Variants in TCF12 observed in about 807,000 individuals in gnomAD.
TCF12 encodes the protein transcription factor 12.
In TCF12, 45 loss-of-function variants were observed where a neutral mutation model predicts 86.0. That is an observed-to-expected ratio of 0.52 (90% confidence interval 0.41 to 0.67). TCF12 has a LOEUF of 0.67. Among genes scored for constraint, TCF12 ranks in the 30% least tolerant of loss-of-function variants. TCF12 has a pLI of 0.00. For missense variants in TCF12, 881 were observed against 859.9 expected, an observed-to-expected ratio of 1.02 and a Z score of -0.31; for synonymous variants, 330 against 299.6, an observed-to-expected ratio of 1.10 and a Z score of -1.05.
intron 5 of TCF12, among the ~76,000 whole-genome samples, chr15:57,094,670 G>A (rs1404260976): frequency 1.3e-5 from 2 of 152,186 alleles, no homozygotes; most frequent in Non-Finnish European, 2.9e-5. Context: ...ACCAATCATC[G>A]CAACAGGTAA....
intron 14 of TCF12, 51 bp from the exon 15 acceptor site, chr15:57,252,370 G>T (rs2152014877): frequency 7.1e-7 from 1 of 1,406,680 alleles, no homozygotes. Flanking sequence ...ATCTCTTTTG[G>T]AGTTAATCTT....
intron 4 of TCF12, among the ~76,000 whole-genome samples, chr15:57,089,186 C>T (rs1421139826): frequency 6.6e-6 from 1 of 152,196 alleles, no homozygotes; most frequent in Non-Finnish European, 1.5e-5. Flanking sequence ...GTCTCTTGGA[C>T]AGTGGCTTTT....
At chr15:57,202,329 C>G (rs147358826) in intron 8 of TCF12, among the ~76,000 whole-genome samples, 1 of 151,912 alleles carries the variant, frequency 6.6e-6, no homozygotes, top group South Asian at 2.1e-4. Context: ...TATGTTTTTA[C>G]TGATCAAATT....
At chr15:57,013,618 G>C (rs1290005094) in intron 3 of TCF12, among the ~76,000 whole-genome samples, 1 of 152,126 alleles carries the variant, frequency 6.6e-6, no homozygotes, top group Admixed American at 6.5e-5. Flanking sequence ...ACTGCCTCTG[G>C]CCCAGTTGAA....
At chr15:57,115,031 T>G (rs1375899550) in intron 5 of TCF12, among the ~76,000 whole-genome samples, 1 of 152,208 alleles carries the variant, frequency 6.6e-6, no homozygotes, top group Non-Finnish European at 1.5e-5. Flanking sequence ...CTCAAACAAT[T>G]AAATGTCTGA....
intron 3 of TCF12, among the ~76,000 whole-genome samples, chr15:56,998,196 C>T (rs2063812597): frequency 6.6e-6 from 1 of 152,156 alleles, no homozygotes; most frequent in Non-Finnish European, 1.5e-5. Context: ...GTAGCTCATG[C>T]CTGTAATCCC....
intron 3 of TCF12, among the ~76,000 whole-genome samples, chr15:56,950,745 GT>G (rs71113040): frequency 0.066 from 5,616 of 85,672 alleles, 1,846 homozygotes; most frequent in Admixed American, 0.16. Flanking sequence ...TTATGACCAT[GT>G]TTTTTTTTTT....
At chr15:57,259,865 G>A (rs2060510367) in intron 16 of TCF12, among the ~76,000 whole-genome samples, 1 of 152,152 alleles carries the variant, frequency 6.6e-6, no homozygotes, top group South Asian at 2.1e-4. Context: ...CGGATTAAAG[G>A]GAAGACATGG....
intron 3 of TCF12, among the ~76,000 whole-genome samples, chr15:57,032,223 C>T (rs1216072470): frequency 6.6e-6 from 1 of 152,084 alleles, no homozygotes; most frequent in Non-Finnish European, 1.5e-5. Flanking sequence ...AGAACTCCAC[C>T]AGGTTGTAGA....
intron 8 of TCF12, among the ~76,000 whole-genome samples, chr15:57,229,790 G>A (rs1424715361): frequency 6.6e-6 from 1 of 151,842 alleles, no homozygotes; most frequent in Non-Finnish European, 1.5e-5. Context: ...CTGCCCATCA[G>A]TCTCCTCATG....
chr15:57,232,771 C>T lies in TCF12; in HGVS notation c.885C>T (p.Ser295=). 6.2e-7 allele frequency: 1 copy of T among 1,612,600 alleles called. No individual in the cohort carries two copies. The highest frequency in any genetic ancestry group is 8.5e-7 in the Non-Finnish European group (1 of 1,179,292). The change falls in exon 11 of 21, where the codon TCC becomes TCT. Residue 295 remains serine (S), a synonymous_variant. Transcript: ENST00000333725. ...TAAACACGAGTCTTCCACCAATGTC[C>T]AGCTTTCATCGCGGCAGTACCAGCA... The part of the protein sequence containing the change: ...TDINTSLPPM[S]SFHRGSTSSS...
chr15:56,948,894 T>A (rs1032332242), intron 3 of TCF12, among the ~76,000 whole-genome samples: 4 of 152,208 alleles, frequency 2.6e-5, no homozygotes, highest in Non-Finnish European at 4.4e-5. Flanking sequence ...CCAGAGAAAT[T>A]ATAGCCTAGA....
At chr15:57,227,928 T>A (rs1417075006) in intron 8 of TCF12, among the ~76,000 whole-genome samples, 1 of 152,118 alleles carries the variant, frequency 6.6e-6, no homozygotes, top group Non-Finnish European at 1.5e-5. Context: ...AAAGCATATA[T>A]ATTCCTTTCT....
intron 3 of TCF12, among the ~76,000 whole-genome samples, chr15:56,998,625 A>G (rs1315221085): frequency 7.9e-5 from 12 of 152,176 alleles, no homozygotes; most frequent in African/African-American, 2.4e-4. Context: ...TTAGGAATAG[A>G]TAGAACTAGT....
chr15:57,103,095 G>C (rs1440678050), intron 5 of TCF12, among the ~76,000 whole-genome samples: 1 of 152,160 alleles, frequency 6.6e-6, no homozygotes, highest in African/African-American at 2.4e-5. Flanking sequence ...ATAATGAGAG[G>C]ATAGTGTGAG....
At chr15:57,197,073 A>G (rs1646949894) in intron 7 of TCF12, among the ~76,000 whole-genome samples, 2 of 151,924 alleles carry the variant, frequency 1.3e-5, no homozygotes, top group South Asian at 4.2e-4. Context: ...CATATTATCA[A>G]CATGACCTAT....
chr15:56,992,374 T>C (rs2063500803), intron 3 of TCF12, among the ~76,000 whole-genome samples: 1 of 152,252 alleles, frequency 6.6e-6, no homozygotes, highest in African/African-American at 2.4e-5. Context: ...TTTGTTGTTG[T>C]TGTTAAAACT....
chr15:56,922,960 C>T (rs1383762380), intron 3 of TCF12, among the ~76,000 whole-genome samples: 1 of 151,708 alleles, frequency 6.6e-6, no homozygotes, highest in African/African-American at 2.4e-5. Flanking sequence ...TAACCTTCTG[C>T]CCTGATTTCA....
intron 4 of TCF12, among the ~76,000 whole-genome samples, chr15:57,074,362 A>ATC: frequency 1.2e-5 from 1 of 80,670 alleles, no homozygotes; most frequent in African/African-American, 1.3e-4. Flanking sequence ...ATTTTGATTA[A>ATC]AAAAAAAAAA....
Sources: gnomAD v4.1 joint callset for allele counts (sites outside exome capture counted in the v4.1 genomes callset) on GRCh38, gnomAD v4.1.1 for gene constraint, MANE v1.5 for transcripts, NCBI Gene and HGNC (gene_info 2026-07-23, HGNC 2026-07-21) for gene names.